Variants in SPEF2 observed in about 807,000 individuals in gnomAD.
SPEF2 encodes sperm flagella and cilia-associated protein 2.
Under a neutral mutation model 224.6 loss-of-function variants are expected in SPEF2, and 187 were observed. The observed-to-expected ratio is 0.83, with a 90% confidence interval of 0.74 to 0.94. The LOEUF is 0.94. SPEF2 is among the 40% of genes least tolerant of loss of function. The pLI is 0.00. For missense variants in SPEF2, 2,170 were observed against 2,135.6 expected (o/e 1.02, Z -0.32); for synonymous variants, 715 against 707.3 (o/e 1.01, Z -0.17).
In SPEF2 at chr5:35,654,659, G is replaced by A. The variant is rs779742845; in HGVS notation, c.911G>A (p.Arg304Gln). The A allele has an allele frequency of 2.5e-6, 4 of 1,613,852 alleles. No individual in the cohort carries two copies. Among genetic ancestry groups the A allele is most frequent in the South Asian group, 1.1e-5 (1 of 90,996 alleles). ...QKRLEEDAFA[R>Q]EQREKRRRKL... The stretch of plus-strand genomic sequence containing the variant: ...CGCCTTGAAGAAGATGCTTTTGCAC[G>A]AGAGCAAAGGGAGAAAAGACGGCGG... Residue 304 changes from arginine to glutamine, a missense_variant, in exon 7 of 37, where the codon CGA (arginine) becomes CAA (glutamine). Transcript: ENST00000356031.
intron 16 of SPEF2, chr5:35,702,452 C>CA: frequency 2.5e-6 from 1 of 397,240 alleles, no homozygotes; most frequent in Non-Finnish European, 5.1e-6. Context: ...AGCCATTGGT[C>CA]AGCCTGAGAC....
At chr5:35,747,639 T>G (rs1748755901) in intron 23 of SPEF2, among the ~76,000 whole-genome samples, 1 of 152,054 alleles carries the variant, frequency 6.6e-6, no homozygotes, top group Non-Finnish European at 1.5e-5. Context: ...AATATCACAA[T>G]CCTAAACATA....
At chr5:35,653,277 T>G (rs897222016) in intron 6 of SPEF2, among the ~76,000 whole-genome samples, 14 of 152,214 alleles carry the variant, frequency 9.2e-5, no homozygotes, top group Non-Finnish European at 1.5e-4. Context: ...CTTGAATCTC[T>G]AGGGCATGAG....
chr5:35,634,831 C>G (rs1256847153), intron 2 of SPEF2, among the ~76,000 whole-genome samples: 2 of 151,850 alleles, frequency 1.3e-5, no homozygotes, highest in African/African-American at 2.4e-5. Flanking sequence ...ATTAATGAGC[C>G]AATATTTGTA....
At chr5:35,685,291 T>C (rs890165602) in intron 10 of SPEF2, among the ~76,000 whole-genome samples, 4 of 152,136 alleles carry the variant, frequency 2.6e-5, no homozygotes, top group Admixed American at 2.6e-4. Flanking sequence ...AAAAATTTGT[T>C]TCAAAAAGTA....
At chr5:35,800,948 G>T (rs964380578) in intron 34 of SPEF2, among the ~76,000 whole-genome samples, 7 of 152,178 alleles carry the variant, frequency 4.6e-5, no homozygotes, top group Admixed American at 1.3e-4. Context: ...AGGAATGAAT[G>T]GGAGGTTCCT....
chr5:35,621,144 T>G (rs1743449237), intron 1 of SPEF2, among the ~76,000 whole-genome samples: 1 of 152,178 alleles, frequency 6.6e-6, no homozygotes, highest in Non-Finnish European at 1.5e-5. Context: ...GAAAAAGAGG[T>G]TTAATACTTT....
intron 20 of SPEF2, among the ~76,000 whole-genome samples, chr5:35,713,695 G>A (rs10066293): frequency 0.74 from 94,678 of 127,148 alleles, 35,905 homozygotes; most frequent in Middle Eastern, 0.83. Context: ...CCAAGACTGC[G>A]CCACTGCACT....
intron 34 of SPEF2, among the ~76,000 whole-genome samples, chr5:35,802,646 G>A (rs185561410): frequency 6.6e-6 from 1 of 152,294 alleles, no homozygotes; most frequent in African/African-American, 2.4e-5. Flanking sequence ...AAGAAGGTGA[G>A]GGGGAGAGCC....
rs933900565 is a variant in SPEF2 at position 35,807,862 on chromosome 5, C to CTTTAAA, written c.5379+614_5379+615insATTTAA. 55 of 1,497,228 alleles carry CTTTAAA rather than the reference C, an allele frequency of 3.7e-5. No individual in the cohort carries two copies. The Admixed American group carries it at 8.2e-4, about 22-fold the overall frequency. The allele number at this position is 1,497,228 out of a possible 1,614,324, so 92.7% of individuals were successfully genotyped here. A position where few individuals can be genotyped will look rare whatever the true frequency, so the allele number is the denominator to read the frequency against. On this transcript the variant is annotated intron_variant, in intron 36 of 36. Transcript: ENST00000356031. ...GCATCCACTATGGCGAGTCCCAGGC[C>CTTTAAA]TTTAACAGCAGGGACTAAGGAGGGC... is the stretch of plus-strand genomic sequence containing the variant.
At chr5:35,652,259 T>A (rs1005713222) in intron 6 of SPEF2, among the ~76,000 whole-genome samples, 1 of 152,116 alleles carries the variant, frequency 6.6e-6, no homozygotes. Context: ...GACTAATTGA[T>A]AAAGGAGAAG....
At chr5:35,638,441 A>G (rs1361210295) in intron 2 of SPEF2, among the ~76,000 whole-genome samples, 2 of 151,906 alleles carry the variant, frequency 1.3e-5, no homozygotes, top group Non-Finnish European at 2.9e-5. Context: ...CCACATACAC[A>G]TCGTATGTTT....
chr5:35,718,322 C>T (rs1742990014), intron 20 of SPEF2, among the ~76,000 whole-genome samples: 1 of 152,110 alleles, frequency 6.6e-6, no homozygotes, highest in Non-Finnish European at 1.5e-5. Flanking sequence ...ATGCAATTAC[C>T]TATCTGTGAA....
At chr5:35,732,910 TTTA>T (rs960441720) in intron 21 of SPEF2, among the ~76,000 whole-genome samples, 1 of 152,210 alleles carries the variant, frequency 6.6e-6, no homozygotes, top group Non-Finnish European at 1.5e-5. Flanking sequence ...ATTGTTCTAT[TTTA>T]TTATTAGTTA....
chr5:35,697,022 C>T (rs1159409009), intron 14 of SPEF2, among the ~76,000 whole-genome samples: 2 of 152,004 alleles, frequency 1.3e-5, no homozygotes, highest in South Asian at 4.2e-4. Context: ...TCAGTCAGGG[C>T]CTCAGGCAAT....
intron 18 of SPEF2, among the ~76,000 whole-genome samples, chr5:35,708,649 T>A (rs114808799): frequency 0.022 from 11 of 504 alleles, no homozygotes; most frequent in East Asian, 0.071. Context: ...TACCAGCACC[T>A]CCACCACCAC....
At chr5:35,731,101 T>C (rs1344550538) in intron 21 of SPEF2, among the ~76,000 whole-genome samples, 1 of 152,166 alleles carries the variant, frequency 6.6e-6, no homozygotes, top group Non-Finnish European at 1.5e-5. Context: ...AAAAGATTTG[T>C]AGTTACATTG....
intron 20 of SPEF2, among the ~76,000 whole-genome samples, chr5:35,719,900 G>A (rs1237503416): frequency 2.0e-5 from 3 of 152,130 alleles, no homozygotes; most frequent in African/African-American, 7.2e-5. Context: ...GATTACAAGT[G>A]TGAGCCACTG....
At chr5:35,688,554 T>G (rs1482895398) in intron 10 of SPEF2, among the ~76,000 whole-genome samples, 1 of 152,214 alleles carries the variant, frequency 6.6e-6, no homozygotes, top group East Asian at 1.9e-4. Context: ...ATATAGTACA[T>G]AGGCTTTCTA....
Sources: gnomAD v4.1 joint callset for allele counts (sites outside exome capture counted in the v4.1 genomes callset) on GRCh38, gnomAD v4.1.1 for gene constraint, MANE v1.5 for transcripts, NCBI Gene and HGNC (gene_info 2026-07-23, HGNC 2026-07-21) for gene names.